NMNAT2: variants seen among roughly 807,000 people sequenced by gnomAD.
NMNAT2 encodes the protein nicotinamide/nicotinic acid mononucleotide adenylyltransferase 2.
In NMNAT2, 11 loss-of-function variants were observed where a neutral mutation model predicts 41.6. The observed-to-expected ratio is 0.26, with a 90% confidence interval of 0.17 to 0.44. The LOEUF (loss-of-function observed/expected upper bound fraction) is 0.44, where lower values mean the gene tolerates loss of function less well. NMNAT2 is among the 20% of genes least tolerant of loss of function. The probability of loss-of-function intolerance (pLI) is 1.00; values close to 1 mark genes in which losing one functional copy is unlikely to be tolerated. For missense variants in NMNAT2, 288 were observed against 407.7 expected (o/e 0.71, Z 2.53); for synonymous variants, 148 against 151.2 (o/e 0.98, Z 0.16).
intron 1 of NMNAT2, among the ~76,000 whole-genome samples, chr1:183,417,295 C>G (rs938073977): frequency 3.3e-5 from 5 of 152,164 alleles, no homozygotes; most frequent in African/African-American, 1.2e-4. Context: ...ACTCCACGCC[C>G]CAAAGCTTCT....
chr1:183,272,111 C>T (rs1198596015), intron 8 of NMNAT2, among the ~76,000 whole-genome samples: 2 of 152,144 alleles, frequency 1.3e-5, no homozygotes, highest in Admixed American at 6.5e-5. Context: ...CTGGCAGCAT[C>T]GGATCCCTAC....
chr1:183,412,700 C>T (rs1191369562), intron 1 of NMNAT2, among the ~76,000 whole-genome samples: 2 of 152,088 alleles, frequency 1.3e-5, no homozygotes, highest in Non-Finnish European at 2.9e-5. Flanking sequence ...AAAGAGATTC[C>T]AAAACATTTG....
At chr1:183,357,452 A>G (rs1663220293) in intron 1 of NMNAT2, among the ~76,000 whole-genome samples, 1 of 151,472 alleles carries the variant, frequency 6.6e-6, no homozygotes, top group Admixed American at 6.6e-5. Flanking sequence ...GATGGTCTCT[A>G]TCTCCTGACC....
chr1:183,302,365 A>C (rs1248300396), intron 1 of NMNAT2, among the ~76,000 whole-genome samples: 3 of 152,202 alleles, frequency 2.0e-5, no homozygotes, highest in Non-Finnish European at 4.4e-5. Context: ...GAGTCATCCC[A>C]CTGGGACGGG....
In NMNAT2 at chr1:183,341,736, A is replaced by AAACAAAAACAAAAAC. The variant is rs1557883693; in HGVS notation, c.86-47944_86-47943insGTTTTTGTTTTTGTT. Among the ~76,000 whole-genome samples the AAACAAAAACAAAAAC allele has an allele frequency of 2.5e-4, 34 of 138,214 alleles. 2 individuals are homozygous for AAACAAAAACAAAAAC. Among genetic ancestry groups the AAACAAAAACAAAAAC allele is most frequent in the African/African-American group, 9.2e-4 (33 of 35,808 alleles). 90.7% of individuals were successfully genotyped at this position (138,214 alleles called of 152,430 possible). On this transcript the variant is annotated intron_variant, in intron 1 of 10. Coordinates refer to ENST00000287713, the MANE Select transcript of NMNAT2 (RefSeq NM_015039.4). ...AAACAAACAAACACCAAAAAAAAAA[A>AAACAAAAACAAAAAC]AAAAAAAAAAACCTGTTTCCTTCAC...
chr1:183,363,868 A>T (rs548938), intron 1 of NMNAT2, among the ~76,000 whole-genome samples: 2,351 of 152,238 alleles, frequency 0.015, 54 homozygotes, highest in African/African-American at 0.053. Context: ...GGTAATGCAC[A>T]AGGCCTGTCA....
intron 1 of NMNAT2, among the ~76,000 whole-genome samples, chr1:183,374,122 C>A (rs540412408): frequency 3.3e-5 from 5 of 152,292 alleles, no homozygotes; most frequent in Admixed American, 3.3e-4. Context: ...AGTAACTGCT[C>A]CAAGGTCATC....
intron 1 of NMNAT2, among the ~76,000 whole-genome samples, chr1:183,373,455 G>A (rs1663596434): frequency 6.6e-6 from 1 of 152,138 alleles, no homozygotes; most frequent in African/African-American, 2.4e-5. Context: ...GCAGCACTAG[G>A]CCTGACAGGG....
chr1:183,292,755 G>A, intron 3 of NMNAT2, 35 bp downstream of exon 3: 1 of 1,597,608 alleles, frequency 6.3e-7, no homozygotes, highest in Non-Finnish European at 8.6e-7. Flanking sequence ...TAAGTCTCCG[G>A]GCCACTGCCT....
At chr1:183,412,101 T>C (rs1649132740) in intron 1 of NMNAT2, among the ~76,000 whole-genome samples, 1 of 152,244 alleles carries the variant, frequency 6.6e-6, no homozygotes, top group African/African-American at 2.4e-5. Context: ...TGGAGGCCTG[T>C]AGGCCATGAT....
intron 4 of NMNAT2, 138 bp downstream of exon 4, chr1:183,289,990 G>A (rs2301877): frequency 0.33 from 203,733 of 625,636 alleles, 35,566 homozygotes; most frequent in Middle Eastern, 0.38. Flanking sequence ...TCTCACAACC[G>A]GCAGAGAAAT....
At chr1:183,318,796 T>C (rs1221725286) in intron 1 of NMNAT2, among the ~76,000 whole-genome samples, 1 of 152,174 alleles carries the variant, frequency 6.6e-6, no homozygotes, top group Non-Finnish European at 1.5e-5. Flanking sequence ...GAGCAGAGGT[T>C]TGGGGCCTGG....
chr1:183,353,346 G>T (rs1363460077), intron 1 of NMNAT2, among the ~76,000 whole-genome samples: 1 of 152,134 alleles, frequency 6.6e-6, no homozygotes, highest in Non-Finnish European at 1.5e-5. Flanking sequence ...TAGGGCAAAG[G>T]TTCTCAGAGA....
chr1:183,385,243 T>C (rs1399487187), intron 1 of NMNAT2, among the ~76,000 whole-genome samples: 2 of 151,716 alleles, frequency 1.3e-5, no homozygotes, highest in Non-Finnish European at 2.9e-5. Context: ...AACAAAAACA[T>C]TGGCAAAATG....
intron 1 of NMNAT2, among the ~76,000 whole-genome samples, chr1:183,336,020 G>A (rs1285568292): frequency 6.6e-6 from 1 of 152,216 alleles, no homozygotes; most frequent in Non-Finnish European, 1.5e-5. Flanking sequence ...GAAACTAAAA[G>A]AGTCTGAAAT....
At chr1:183,308,762 A>G (rs1304261762) in intron 1 of NMNAT2, among the ~76,000 whole-genome samples, 2 of 152,196 alleles carry the variant, frequency 1.3e-5, no homozygotes, top group Non-Finnish European at 2.9e-5. Flanking sequence ...GGTGAAGAAA[A>G]TAACAGGGAA....
At chr1:183,391,007 C>T (rs1460519973) in intron 1 of NMNAT2, among the ~76,000 whole-genome samples, 1 of 152,136 alleles carries the variant, frequency 6.6e-6, no homozygotes, top group Non-Finnish European at 1.5e-5. Flanking sequence ...TTAACACAAA[C>T]CTGACCAAGA....
chr1:183,304,577 C>A, intron 1 of NMNAT2: 1 of 1,212,166 alleles, frequency 8.2e-7, no homozygotes, highest in South Asian at 1.3e-5. Flanking sequence ...TTGAGAAGCT[C>A]CGCTGGAGAC....
intron 8 of NMNAT2, among the ~76,000 whole-genome samples, chr1:183,275,057 G>A (rs2102294060): frequency 6.6e-6 from 1 of 152,266 alleles, no homozygotes; most frequent in East Asian, 1.9e-4. Context: ...TGGGTGTGGA[G>A]CAGGGCACCT....
Sources: gnomAD v4.1 joint callset for allele counts (sites outside exome capture counted in the v4.1 genomes callset) on GRCh38, gnomAD v4.1.1 for gene constraint, MANE v1.5 for transcripts, NCBI Gene and HGNC (gene_info 2026-07-23, HGNC 2026-07-21) for gene names.